THSD7A: variants seen among roughly 807,000 people sequenced by gnomAD.
The protein encoded by THSD7A is thrombospondin type 1 domain containing 7A.
A neutral mutation model predicts 231.3 loss-of-function variants in THSD7A; 96 were observed. The ratio of observed to expected loss-of-function variants is 0.41; its 90% CI spans 0.35 to 0.49. THSD7A has a LOEUF of 0.49. THSD7A is among the 20% of genes least tolerant of loss of function. THSD7A has a pLI of 0.05. For missense variants in THSD7A, 2,290 were observed against 2,070.2 expected (o/e 1.11, Z -2.06); for synonymous variants, 940 against 743.3 (o/e 1.26, Z -4.30).
intron 1 of THSD7A, among the ~76,000 whole-genome samples, chr7:11,646,088 C>T (rs1247001806): frequency 1.3e-5 from 2 of 151,912 alleles, no homozygotes; most frequent in Non-Finnish European, 2.9e-5. Context: ...ATCAATGTTT[C>T]CCTTTCAAGC....
chr7:11,555,983 G>T (rs938964927), intron 4 of THSD7A, among the ~76,000 whole-genome samples: 1 of 151,594 alleles, frequency 6.6e-6, no homozygotes, highest in Non-Finnish European at 1.5e-5. Flanking sequence ...TTTGAAGTGA[G>T]TTTCTTGTAG....
chr7:11,729,398 C>A (rs1351139998), intron 1 of THSD7A, among the ~76,000 whole-genome samples: 1 of 151,652 alleles, frequency 6.6e-6, no homozygotes, highest in Non-Finnish European at 1.5e-5. Flanking sequence ...ATACACAGCA[C>A]CGCAAATAAC....
At chr7:11,559,544 T>C (rs1290117231) in intron 4 of THSD7A, among the ~76,000 whole-genome samples, 1 of 151,446 alleles carries the variant, frequency 6.6e-6, no homozygotes, top group Admixed American at 6.6e-5. Context: ...TAAATCCATA[T>C]ATGTATAGGA....
rs998883521 is a variant in THSD7A, at chr7:11,690,993, G to T, written c.191-54032C>A. Among the ~76,000 whole-genome samples, 6 of 151,704 alleles carry T rather than the reference G, an allele frequency of 4.0e-5. No homozygotes were observed. The East Asian group carries it at 1.2e-3, about 30-fold the overall frequency. On this transcript the variant is annotated intron_variant, in intron 1 of 27. Transcript: ENST00000423059. Reference sequence around the variant, plus strand: ...TTGCTCACTGTTTTTAAAAAAGGCAGCTGACATTTTCATCATATTTTTGGA... The same window carrying T: ...TTGCTCACTGTTTTTAAAAAAGGCATCTGACATTTTCATCATATTTTTGGA...
chr7:11,408,873 C>T (rs949297050), intron 19 of THSD7A, among the ~76,000 whole-genome samples: 1 of 152,120 alleles, frequency 6.6e-6, no homozygotes, highest in Admixed American at 6.5e-5. Context: ...CTCATAAAGC[C>T]ACTTAAAAGT....
At chr7:11,793,167 T>C (rs560279532) in intron 1 of THSD7A, among the ~76,000 whole-genome samples, 1 of 151,412 alleles carries the variant, frequency 6.6e-6, no homozygotes, top group Non-Finnish European at 1.5e-5. Context: ...GAAAAGACAA[T>C]TAAAAGGGGT....
At chr7:11,587,980 A>C (rs1427567720) in intron 4 of THSD7A, among the ~76,000 whole-genome samples, 2 of 152,210 alleles carry the variant, frequency 1.3e-5, no homozygotes, top group Non-Finnish European at 2.9e-5. Flanking sequence ...GTGAAACTGC[A>C]AAGAGAACAG....
At chr7:11,645,564 A>AT (rs1253987116) in intron 1 of THSD7A, among the ~76,000 whole-genome samples, 1 of 151,800 alleles carries the variant, frequency 6.6e-6, no homozygotes, top group Non-Finnish European at 1.5e-5. Context: ...ACTTCTGACT[A>AT]TTTTTTCTAC....
chr7:11,483,285 T>C (rs1161808500), intron 6 of THSD7A, among the ~76,000 whole-genome samples: 1 of 152,186 alleles, frequency 6.6e-6, no homozygotes, highest in East Asian at 1.9e-4. Context: ...AATATGTTAA[T>C]AGCTACTAGC....
At chr7:11,392,749 T>G (rs1439950086) in intron 23 of THSD7A, among the ~76,000 whole-genome samples, 4 of 152,196 alleles carry the variant, frequency 2.6e-5, no homozygotes, top group African/African-American at 9.6e-5. Flanking sequence ...CTCCTCACAG[T>G]GTAAACAAAG....
chr7:11,388,830 G>C (rs139708872), intron 23 of THSD7A, among the ~76,000 whole-genome samples: 1 of 151,490 alleles, frequency 6.6e-6, no homozygotes, highest in Non-Finnish European at 1.5e-5. Flanking sequence ...GGTACTTTGA[G>C]TCTGTGTTCT....
intron 1 of THSD7A, among the ~76,000 whole-genome samples, chr7:11,795,631 T>C (rs1203420873): frequency 6.6e-6 from 1 of 152,042 alleles, no homozygotes; most frequent in African/African-American, 2.4e-5. Context: ...ATATATTCTA[T>C]TACAGAATAA....
Position 11,636,018 on chromosome 7 carries a change from C to CCCCAATGAG in THSD7A, c.1022+111_1022+112insCTCATTGGG. 9.9e-7 allele frequency: 1 copy of CCCCAATGAG among 1,012,286 alleles called. No homozygotes were observed. Among genetic ancestry groups the CCCCAATGAG allele is most frequent in the South Asian group, 1.9e-5 (1 of 53,416 alleles). 62.7% of individuals were successfully genotyped at this position (1,012,286 alleles called of 1,614,324 possible). ...AGCCTTAAATTTGGGGGTAGCTCAT[C>CCCCAATGAG]CTAGGTTGTGCCCCTACGTAATCCA... On this transcript the variant is annotated intron_variant, in intron 2 of 27. Coordinates refer to ENST00000423059, the MANE Select transcript of THSD7A (RefSeq NM_015204.3). This position sits in a 1 kb window ranked among gnomAD's most constrained non-coding sequence, Gnocchi z 10.0.
At chr7:11,825,460 C>A (rs7801244) in intron 1 of THSD7A, among the ~76,000 whole-genome samples, 1 of 151,928 alleles carries the variant, frequency 6.6e-6, no homozygotes, top group African/African-American at 2.4e-5. Flanking sequence ...TGTATCAATT[C>A]GTATTTTCTA....
intron 1 of THSD7A, among the ~76,000 whole-genome samples, chr7:11,699,867 A>C (rs1313668952): frequency 6.6e-6 from 1 of 151,294 alleles, no homozygotes; most frequent in African/African-American, 2.4e-5. Context: ...TGGAAATGTC[A>C]GGGCAAGGAA....
chr7:11,589,069 C>T (rs1201418997), intron 4 of THSD7A, among the ~76,000 whole-genome samples: 2 of 152,130 alleles, frequency 1.3e-5, no homozygotes, highest in African/African-American at 2.4e-5. Context: ...GCCATCTCTT[C>T]TTTGGTTTTA....
chr7:11,591,085 T>C (rs1031360412), intron 3 of THSD7A, among the ~76,000 whole-genome samples: 1 of 152,110 alleles, frequency 6.6e-6, no homozygotes, highest in African/African-American at 2.4e-5. Context: ...GTAGCAAGAT[T>C]ATGCTTGTAT....
chr7:11,559,315 G>A (rs1291321735), intron 4 of THSD7A, among the ~76,000 whole-genome samples: 1 of 152,146 alleles, frequency 6.6e-6, no homozygotes, highest in Admixed American at 6.6e-5. Flanking sequence ...GTGGAAATTT[G>A]TTATGGAGGC....
At chr7:11,473,882 T>C (rs28445867) in intron 8 of THSD7A, among the ~76,000 whole-genome samples, 102,745 of 151,996 alleles carry the variant, frequency 0.68, 35,269 homozygotes, top group East Asian at 0.88. Flanking sequence ...GTATTTTTGA[T>C]ATAGTGTTTT....
Sources: gnomAD v4.1 joint callset for allele counts (sites outside exome capture counted in the v4.1 genomes callset) on GRCh38, gnomAD v4.1.1 for gene constraint, Gnocchi (gnomAD v3.1) non-coding constraint, MANE v1.5 for transcripts, NCBI Gene and HGNC (gene_info 2026-07-23, HGNC 2026-07-21) for gene names.